CFAP77: variants seen among roughly 807,000 people sequenced by gnomAD.
The protein encoded by CFAP77 is cilia and flagella associated protein 77.
A neutral mutation model predicts 31.1 loss-of-function variants in CFAP77; 25 were observed. The ratio of observed to expected loss-of-function variants is 0.80; its 90% CI spans 0.59 to 1.12. The LOEUF (loss-of-function observed/expected upper bound fraction) is 1.12. Among genes scored for constraint, CFAP77 ranks in the 50% most tolerant of loss-of-function variants. CFAP77 has a pLI of 0.00. For synonymous variants in CFAP77, 151 were observed against 159.9 expected (o/e 0.94, Z 0.42); for missense variants, 377 against 397.3 (o/e 0.95, Z 0.44).
At chr9:132,418,265 G>C (rs573434911) in intron 1 of CFAP77, among the ~76,000 whole-genome samples, 5 of 152,356 alleles carry the variant, frequency 3.3e-5, no homozygotes, top group African/African-American at 1.2e-4. Flanking sequence ...AGGGGGTGCT[G>C]GTGGCATCTG....
In CFAP77 at chr9:132,517,517, G is replaced by A. The variant is rs1248663926; in HGVS notation, c.524+17917G>A. On this transcript the variant is annotated intron_variant, in intron 3 of 5. Transcript: ENST00000393216. The surrounding 1 kb of genome is among the most constrained non-coding windows in gnomAD (Gnocchi z 4.7). Reference sequence around the variant, plus strand: ...TTTAGCCTGCTGTGAACGGAGAGCCGTACTAAAATCCAGTTTGTCAGACCC... The same window carrying A: ...TTTAGCCTGCTGTGAACGGAGAGCCATACTAAAATCCAGTTTGTCAGACCC... 1.3e-5 allele frequency among the ~76,000 whole-genome samples: 2 copies of A among 152,184 alleles called. No homozygotes were observed. Among genetic ancestry groups the A allele is most frequent in the African/African-American group, 2.4e-5 (1 of 41,430 alleles).
intron 5 of CFAP77, among the ~76,000 whole-genome samples, chr9:132,549,927 G>A (rs1020112317): frequency 3.3e-5 from 5 of 152,208 alleles, no homozygotes; most frequent in East Asian, 3.8e-4. Context: ...GCACCTGCTC[G>A]TGAGGTGACA....
intron 3 of CFAP77, among the ~76,000 whole-genome samples, chr9:132,526,107 G>A (rs2119029565): frequency 6.6e-6 from 1 of 152,012 alleles, no homozygotes; most frequent in South Asian, 2.1e-4. Context: ...ATCAAGTAAA[G>A]CTGCTATGAA....
Position 132,495,317 on chromosome 9 carries a change from G to A in CFAP77, c.196-3378G>A, listed in dbSNP as rs1330844227. Among the ~76,000 whole-genome samples the A allele has an allele frequency of 6.6e-6, 1 of 152,142 alleles. No individual in the cohort carries two copies. Reference sequence around the variant, plus strand: ...TGCCTGAGGGTGGCAGCCAGCTCCTGAGTCTGTCTGTCATTCCCCTGCCAG... The same window carrying A: ...TGCCTGAGGGTGGCAGCCAGCTCCTAAGTCTGTCTGTCATTCCCCTGCCAG... On this transcript the variant is annotated intron_variant, in intron 1 of 5. Coordinates refer to ENST00000393216, the MANE Select transcript of CFAP77 (RefSeq NM_001282957.2). The surrounding 1 kb of genome is among the most constrained non-coding windows in gnomAD (Gnocchi z 4.2).
intron 3 of CFAP77, among the ~76,000 whole-genome samples, chr9:132,506,088 G>A (rs370465301): frequency 5.3e-5 from 8 of 152,338 alleles, no homozygotes; most frequent in Non-Finnish European, 1.2e-4. Flanking sequence ...TGCAGAGCCC[G>A]GATTTCTATC....
In CFAP77 at chr9:132,487,034, C is replaced by T. The variant is rs184926552; in HGVS notation, c.196-11661C>T. Among the ~76,000 whole-genome samples, 36 of 152,350 alleles carry T rather than the reference C, an allele frequency of 2.4e-4. No individual in the cohort carries two copies. In the East Asian group the frequency reaches 6.6e-3, roughly 28 times the overall value. ...AACCAGACAGGGCTGGACTGGGTGG[C>T]GGGGCAGGCCTGAGGACGCCTGGAG... is the stretch of plus-strand genomic sequence containing the variant. On this transcript the variant is annotated intron_variant, in intron 1 of 5. Coordinates refer to ENST00000393216, the MANE Select transcript of CFAP77 (RefSeq NM_001282957.2).
At chr9:132,547,138 C>T (rs531093590) in intron 5 of CFAP77, among the ~76,000 whole-genome samples, 6 of 152,228 alleles carry the variant, frequency 3.9e-5, no homozygotes, top group Admixed American at 2.6e-4. Context: ...AGACGCTCCC[C>T]TGCCCTTTGG....
intron 4 of CFAP77, 28 bp from the exon 5 acceptor site, chr9:132,542,918 C>A (rs779564995): frequency 6.3e-7 from 1 of 1,576,862 alleles, no homozygotes; most frequent in South Asian, 1.1e-5. Context: ...GGGCAACCAT[C>A]TCACCTTTGC....
intron 1 of CFAP77, among the ~76,000 whole-genome samples, chr9:132,488,770 T>C (rs1010225509): frequency 6.6e-6 from 1 of 152,218 alleles, no homozygotes. Flanking sequence ...AGCATGGGTT[T>C]CCAGGGCCTG....
chr9:132,548,654 G>A (rs889670987), intron 5 of CFAP77, among the ~76,000 whole-genome samples: 3 of 151,784 alleles, frequency 2.0e-5, no homozygotes, highest in Admixed American at 1.3e-4. Flanking sequence ...TTAGAAGGGG[G>A]CTTGCCCAAG....
Position 132,500,057 on chromosome 9 carries a change from C to T in CFAP77, c.524+457C>T, listed in dbSNP as rs945368185. Among the ~76,000 whole-genome samples, 8 of 150,704 alleles carry T rather than the reference C, an allele frequency of 5.3e-5. No individual in the cohort carries two copies. The South Asian group carries it at 6.3e-4, about 12-fold the overall frequency. On this transcript the variant is annotated intron_variant, in intron 3 of 5. Transcript: ENST00000393216. ...AGTACCAGTTACTTGAGGGCTGAGG[C>T]GGGAGGATTGCTTGAGCCCAGGAGG...
chr9:132,440,850 T>C (rs1484662207), intron 1 of CFAP77, among the ~76,000 whole-genome samples: 12 of 152,208 alleles, frequency 7.9e-5, no homozygotes, highest in Admixed American at 7.9e-4. Context: ...CGCTGCAAGC[T>C]GTGCAGGCTG....
At chr9:132,500,514 T>A (rs965008136) in intron 3 of CFAP77, among the ~76,000 whole-genome samples, 25 of 151,986 alleles carry the variant, frequency 1.6e-4, no homozygotes, top group Admixed American at 4.6e-4. Context: ...ATTTTTAAAA[T>A]TTTTTATTGA....
chr9:132,448,357 T>C (rs1435037969), intron 1 of CFAP77, among the ~76,000 whole-genome samples: 1 of 152,306 alleles, frequency 6.6e-6, no homozygotes, highest in African/African-American at 2.4e-5. Flanking sequence ...TTCTCTTCCC[T>C]CATGCACCAT....
chr9:132,513,588 T>G (rs1852080964), intron 3 of CFAP77, among the ~76,000 whole-genome samples: 2 of 152,206 alleles, frequency 1.3e-5, no homozygotes, highest in African/African-American at 2.4e-5. Flanking sequence ...ACTCTGCACA[T>G]GACTCGCTCA....
intron 1 of CFAP77, among the ~76,000 whole-genome samples, chr9:132,437,756 C>T (rs1395774815): frequency 6.6e-6 from 1 of 151,286 alleles, no homozygotes; most frequent in Admixed American, 6.6e-5. Context: ...CGTGATCTGC[C>T]CGTCTTGGGC....
At chr9:132,558,437 G>C (rs1827730149) in intron 5 of CFAP77, among the ~76,000 whole-genome samples, 1 of 152,246 alleles carries the variant, frequency 6.6e-6, no homozygotes, top group Admixed American at 6.5e-5. Flanking sequence ...AGGTGTGGTG[G>C]CTCATGCCTG....
At chr9:132,562,424 G>A (rs1335367884) in intron 5 of CFAP77, among the ~76,000 whole-genome samples, 1 of 152,160 alleles carries the variant, frequency 6.6e-6, no homozygotes, top group African/African-American at 2.4e-5. Context: ...TGTCTAAGCA[G>A]ATTCACACAT....
chr9:132,541,065 C>A (rs546484705), intron 4 of CFAP77, among the ~76,000 whole-genome samples: 1 of 152,260 alleles, frequency 6.6e-6, no homozygotes, highest in South Asian at 2.1e-4. Context: ...GGTTGATAGA[C>A]AATTTACCGG....
Sources: gnomAD v4.1 joint callset for allele counts (sites outside exome capture counted in the v4.1 genomes callset) on GRCh38, gnomAD v4.1.1 for gene constraint, Gnocchi (gnomAD v3.1) non-coding constraint, MANE v1.5 for transcripts, NCBI Gene and HGNC (gene_info 2026-07-23, HGNC 2026-07-21) for gene names.